Variants in SMC1B observed in about 807,000 individuals in gnomAD.
SMC1B encodes the protein structural maintenance of chromosomes 1B, also known as structural maintenance of chromosomes protein 1B.
A neutral mutation model predicts 157.9 loss-of-function variants in SMC1B; 60 were observed. The observed-to-expected ratio is 0.38, with a 90% confidence interval of 0.31 to 0.47. The LOEUF is 0.47. Among genes scored for constraint, SMC1B ranks in the 20% least tolerant of loss-of-function variants. The pLI, the probability that SMC1B is intolerant of heterozygous loss-of-function variation, is 0.99. For missense variants in SMC1B, 1,165 were observed against 1,426.2 expected (o/e 0.82, Z 2.95); for synonymous variants, 445 against 483.0 (o/e 0.92, Z 1.03).
At chr22:45,396,520 C>A (rs1227061933) in intron 6 of SMC1B, 34 bp from the exon 7 acceptor site, 3 of 1,578,028 alleles carry the variant, frequency 1.9e-6, no homozygotes, top group Non-Finnish European at 1.7e-6. Context: ...TGCTAATTCA[C>A]CTTAAGAAGC....
intron 23 of SMC1B, among the ~76,000 whole-genome samples, chr22:45,348,119 G>C (rs2086570577): frequency 6.6e-6 from 1 of 152,216 alleles, no homozygotes. Context: ...TGGGCTCTGA[G>C]TATCTACCCA....
chr22:45,393,571 C>T, intron 9 of SMC1B, 63 bp downstream of exon 9: 7 of 1,183,318 alleles, frequency 5.9e-6, no homozygotes, highest in Non-Finnish European at 7.3e-6. Context: ...TGAGAAGATA[C>T]TGTTGAAAGC....
At chr22:45,382,487 G>A (rs993129901) in intron 12 of SMC1B, among the ~76,000 whole-genome samples, 1 of 152,170 alleles carries the variant, frequency 6.6e-6, no homozygotes, top group Non-Finnish European at 1.5e-5. Context: ...TGAGTAAAAG[G>A]AACCCAAAGG....
intron 6 of SMC1B, 84 bp downstream of exon 6, chr22:45,399,011 G>A: frequency 7.7e-7 from 1 of 1,305,606 alleles, no homozygotes; most frequent in South Asian, 1.4e-5. Context: ...AAATATCAGA[G>A]AGGTCATCTT....
chr22:45,357,026 C>G (rs912100271), intron 19 of SMC1B, among the ~76,000 whole-genome samples: 7 of 152,198 alleles, frequency 4.6e-5, no homozygotes, highest in Non-Finnish European at 8.8e-5. Context: ...AGCCACCACG[C>G]CCGGCCTGAT....
chr22:45,374,369 T>C (rs1430712880), intron 12 of SMC1B, among the ~76,000 whole-genome samples: 1 of 152,176 alleles, frequency 6.6e-6, no homozygotes, highest in Non-Finnish European at 1.5e-5. Context: ...TTGGGTTTGA[T>C]GTAAAAAATT....
chr22:45,412,905 A>G (rs2146865523), intron 1 of SMC1B, among the ~76,000 whole-genome samples: 1 of 152,280 alleles, frequency 6.6e-6, no homozygotes, highest in East Asian at 1.9e-4. Flanking sequence ...CCTCCTCGAC[A>G]GCTCCCTCTC....
At chr22:45,377,630 C>A (rs995892521) in intron 12 of SMC1B, among the ~76,000 whole-genome samples, 2 of 144,310 alleles carry the variant, frequency 1.4e-5, no homozygotes, top group Non-Finnish European at 3.0e-5. Flanking sequence ...GAGTGAGACT[C>A]TGTCTCAAAA....
chr22:45,359,999 T>G (rs1426242581), intron 17 of SMC1B, 41 bp from the exon 18 acceptor site: 1 of 1,522,410 alleles, frequency 6.6e-7, no homozygotes, highest in East Asian at 2.3e-5. Context: ...TTACTCATTA[T>G]GTAACACTGC....
In SMC1B at chr22:45,371,539, T is replaced by C; in HGVS notation, c.2245A>G (p.Ile749Val). ...TCCTTGATTCCTTCACTCAACATAATACATTGAGACTCAATATTTAGTAGT... is the reference window on the plus strand; with the variant it reads ...TCCTTGATTCCTTCACTCAACATAACACATTGAGACTCAATATTTAGTAGT... ...SELLNIESQCIMLSEGIKERQ... is the reference protein window; with the variant it reads ...SELLNIESQCVMLSEGIKERQ... Residue 749 changes from isoleucine (I) to valine (V), a missense_variant, in exon 14 of 25, where the codon ATT (isoleucine) becomes GTT (valine). Coordinates refer to ENST00000357450, the MANE Select transcript of SMC1B (RefSeq NM_148674.5). The C allele has an allele frequency of 6.3e-7, 1 of 1,597,980 alleles. No individual in the cohort carries two copies. The highest frequency in any genetic ancestry group is 8.5e-7 in the Non-Finnish European group (1 of 1,174,298).
At chr22:45,368,623 T>G (rs1328012970) in intron 15 of SMC1B, among the ~76,000 whole-genome samples, 8 of 151,694 alleles carry the variant, frequency 5.3e-5, no homozygotes, top group Non-Finnish European at 1.2e-4. Context: ...GTTCAAGCAA[T>G]TCTCTGCCTC....
chr22:45,396,205 C>T (rs888113244), intron 7 of SMC1B, 141 bp downstream of exon 7: 28 of 701,524 alleles, frequency 4.0e-5, no homozygotes, highest in African/African-American at 2.6e-4. Flanking sequence ...ATATTTGTAT[C>T]TTCATCTGCC....
chr22:45,369,821 A>C, intron 15 of SMC1B, 133 bp downstream of exon 15: 1 of 569,586 alleles, frequency 1.8e-6, no homozygotes, highest in East Asian at 3.6e-5. Flanking sequence ...TGGGATTACA[A>C]GCGTAAGCCA....
Position 45,359,841 on chromosome 22 carries a change from A to T in SMC1B, c.2826T>A (p.Leu942=), listed in dbSNP as rs1430964581. 2 of 1,613,808 alleles carry T rather than the reference A, an allele frequency of 1.2e-6. No individual in the cohort carries two copies. Among genetic ancestry groups the T allele is most frequent in the Admixed American group, 3.3e-5 (2 of 59,996 alleles). Residue 942 remains leucine, a synonymous_variant, in exon 18 of 25, where the codon CTT becomes CTA. Coordinates refer to ENST00000357450, the MANE Select transcript of SMC1B (RefSeq NM_148674.5). ...TGATGTCATCCAGTGACCCCGACAA[A>T]AGGATTATCTCAATGTCTTGCACTT... The part of the protein sequence containing the change: ...DCKVQDIEII[L]LSGSLDDIIE...
At chr22:45,384,067 C>T (rs925070372) in intron 11 of SMC1B, among the ~76,000 whole-genome samples, 17 of 152,144 alleles carry the variant, frequency 1.1e-4, no homozygotes, top group Non-Finnish European at 5.9e-5. Flanking sequence ...TGTTACTAAA[C>T]ATTTTGATGT....
chr22:45,380,961 T>C (rs2086930671), intron 12 of SMC1B, among the ~76,000 whole-genome samples: 1 of 121,452 alleles, frequency 8.2e-6, no homozygotes. Context: ...AAAGAAGTAC[T>C]TTTTTTTTTT....
Position 45,413,462 on chromosome 22 carries a change from A to G in SMC1B, c.106T>C (p.Ser36Pro). Residue 36 changes from serine (S) to proline (P), a missense_variant, in exon 1 of 25, where the codon TCT becomes CCT. Physicochemically the swap from Ser to Pro is moderately conservative, Grantham distance 74. Transcript: ENST00000357450. Reference protein sequence around the residue: ...RFTCIIGPNGSGKSNVMDALS... With the variant: ...RFTCIIGPNGPGKSNVMDALS... ...GCGCCCTGAGCTGCTCAGTTACCAG[A>G]GCCGTTGGGGCCGATGATGCAGGTG... The G allele has an allele frequency of 6.2e-7, 1 of 1,605,742 alleles. No individual in the cohort carries two copies. Among genetic ancestry groups the G allele is most frequent in the Non-Finnish European group, 8.5e-7 (1 of 1,176,222 alleles).
In SMC1B at chr22:45,369,298, G is replaced by A. The variant is rs376294407; in HGVS notation, c.2420+656C>T. On this transcript the variant is annotated intron_variant, in intron 15 of 24. Coordinates refer to ENST00000357450, the MANE Select transcript of SMC1B (RefSeq NM_148674.5). ...TTTTTAGTAGAGACGGGGTTTCACC[G>A]TGGTAGCCAGGATGGTCTCTATCTC... 4.2e-4 allele frequency among the ~76,000 whole-genome samples: 63 copies of A among 151,484 alleles called. 1 individual carries two copies. The highest frequency in any genetic ancestry group is 2.0e-3 in the East Asian group (10 of 5,040).
At position 45,371,581 on chromosome 22, in the gene SMC1B, A is replaced by G; in HGVS notation, c.2203T>C (p.Ser735Pro). ...TTTAGTAGTTCACTTTGTAACTGAG[A>G]TTGTTCCTAATAACAAAAGAGAAAA... ...KHLVAFYQEQ[S>P]QLQSELLNIE... Residue 735 changes from serine (S) to proline (P), a missense_variant, in exon 14 of 25, where the codon TCT (serine) becomes CCT (proline). Transcript: ENST00000357450. 1 of 1,582,244 alleles carries G rather than the reference A, an allele frequency of 6.3e-7. No individual in the cohort carries two copies. Among genetic ancestry groups the G allele is most frequent in the East Asian group, 2.3e-5 (1 of 43,654 alleles).
Sources: allele counts gnomAD v4.1 joint callset (sites outside exome capture counted in the v4.1 genomes callset), GRCh38; gene constraint gnomAD v4.1.1; transcripts MANE v1.5; gene names NCBI Gene and HGNC (gene_info 2026-07-23, HGNC 2026-07-21).